Variants in ANKDD1A observed in about 807,000 individuals in gnomAD.
ANKDD1A encodes ankyrin repeat and death domain containing 1A.
A neutral mutation model predicts 63.5 loss-of-function variants in ANKDD1A; 59 were observed. That is an observed-to-expected ratio of 0.93 (90% confidence interval 0.75 to 1.15). The LOEUF is 1.15. ANKDD1A is among the 50% of genes most tolerant of loss of function. The probability of loss-of-function intolerance (pLI) is 0.00; values close to 1 mark genes in which losing one functional copy is unlikely to be tolerated. For missense variants in ANKDD1A, 632 were observed against 656.4 expected (o/e 0.96, Z 0.41); for synonymous variants, 266 against 263.9 (o/e 1.01, Z -0.08).
At chr15:64,942,820 A>G (rs1185030142) in intron 10 of ANKDD1A, among the ~76,000 whole-genome samples, 2 of 152,096 alleles carry the variant, frequency 1.3e-5, no homozygotes, top group Non-Finnish European at 2.9e-5. Context: ...ATCTTTTTAC[A>G]TTCAACCTTT....
chr15:64,936,626 T>G (rs1184742676), intron 9 of ANKDD1A, among the ~76,000 whole-genome samples: 2 of 151,938 alleles, frequency 1.3e-5, no homozygotes, highest in African/African-American at 2.4e-5. Flanking sequence ...ATCGCTTGAG[T>G]CCAGGAGTTC....
At position 64,926,048 on chromosome 15, in the gene ANKDD1A, T is replaced by C; in HGVS notation, c.367-18T>C. The C allele has an allele frequency of 6.2e-7, 1 of 1,608,750 alleles. No homozygotes were observed. Among genetic ancestry groups the C allele is most frequent in the African/African-American group, 1.3e-5 (1 of 74,968 alleles). The stretch of plus-strand genomic sequence containing the variant: ...CTCCCTTCACAGACTGCAGGAACCC[T>C]CCTGCACTTGTTTCCAGGATGGCCT... On this transcript the variant is annotated intron_variant, in intron 4 of 14. Coordinates refer to ENST00000319580, the MANE Select transcript of ANKDD1A (RefSeq NM_182703.6).
In ANKDD1A at chr15:64,954,363, CCTT is replaced by C. The variant is rs1204796898; in HGVS notation, c.1484-2732_1484-2730del. ...CCTCCTCTCCTTCTTCTCTTCTTCT[CCTT>C]CTTCTTCCTTTTCTTTTCTTCTTCT... On this transcript the variant is annotated intron_variant, in intron 14 of 14. Coordinates refer to ENST00000319580, the MANE Select transcript of ANKDD1A (RefSeq NM_182703.6). 4.2e-3 allele frequency among the ~76,000 whole-genome samples: 207 copies of C among 48,710 alleles called. 1 individual carries two copies. Among genetic ancestry groups the C allele is most frequent in the African/African-American group, 0.013 (174 of 13,440 alleles). 32.0% of individuals were successfully genotyped at this position (48,710 alleles called of 152,430 possible).
intron 14 of ANKDD1A, chr15:64,950,932 G>A: frequency 1.6e-6 from 2 of 1,271,168 alleles, no homozygotes; most frequent in Non-Finnish European, 1.0e-6. Context: ...AACAGAGGAA[G>A]TAAGATTCTT....
chr15:64,940,852 C>T (rs1312124227), intron 9 of ANKDD1A, among the ~76,000 whole-genome samples: 1 of 152,206 alleles, frequency 6.6e-6, no homozygotes, highest in African/African-American at 2.4e-5. Context: ...AATCCTCCTG[C>T]CTCAGCCTCC....
At chr15:64,953,597 T>TCTTCTCC (rs1382712518) in intron 14 of ANKDD1A, among the ~76,000 whole-genome samples, 2 of 56,110 alleles carry the variant, frequency 3.6e-5, no homozygotes, top group East Asian at 3.8e-4. Context: ...TCCTTCTCCT[T>TCTTCTCC]TTCTTCTTTC....
chr15:64,950,397 A>T, intron 14 of ANKDD1A: 1 of 985,430 alleles, frequency 1.0e-6, no homozygotes, highest in South Asian at 4.7e-5. Flanking sequence ...AAACCTTCTG[A>T]GGTCATCACA....
chr15:64,942,573 G>A lies in ANKDD1A; in HGVS notation c.966+8G>A. 2 of 1,610,174 alleles carry A rather than the reference G, an allele frequency of 1.2e-6. No homozygotes were observed. The highest frequency in any genetic ancestry group is 1.7e-6 in the Non-Finnish European group (2 of 1,177,990). On this transcript the variant is annotated splice_region_variant and intron_variant, in intron 10 of 14. Transcript: ENST00000319580. ...GTGAATGCCGTGGACAATGTAAGTG[G>A]CTACAGAGACCTTCCGGGCCCCAGG...
intron 14 of ANKDD1A, chr15:64,951,149 G>T: frequency 8.9e-7 from 1 of 1,119,416 alleles, no homozygotes; most frequent in Non-Finnish European, 1.1e-6. Context: ...GAAATGCACA[G>T]TCATGCAGAG....
At chr15:64,953,630 C>CTTAGTTCTTCTTATTT (rs1467278506) in intron 14 of ANKDD1A, among the ~76,000 whole-genome samples, 1 of 20,724 alleles carries the variant, frequency 4.8e-5, no homozygotes, top group Admixed American at 6.9e-4. Flanking sequence ...TCTTCTTCTT[C>CTTAGTTCTTCTTATTT]CTTCTTCTTC....
chr15:64,934,128 C>T lies in ANKDD1A; in HGVS notation c.769-8C>T, dbSNP rs191145154. 6.2e-5 allele frequency: 100 copies of T among 1,603,226 alleles called. No individual in the cohort carries two copies. The highest frequency in any genetic ancestry group is 8.1e-5 in the Non-Finnish European group (95 of 1,173,068). On this transcript the variant is annotated splice_polypyrimidine_tract_variant and splice_region_variant and intron_variant, in intron 8 of 14. Coordinates refer to ENST00000319580, the MANE Select transcript of ANKDD1A (RefSeq NM_182703.6). ...TGTGATAACGCATTGATGCCTGTTT[C>T]CTTCTAGAAAAACCTAAGCTGCCTT...
At chr15:64,924,479 T>C (rs1329155463) in intron 4 of ANKDD1A, among the ~76,000 whole-genome samples, 1 of 152,214 alleles carries the variant, frequency 6.6e-6, no homozygotes, top group African/African-American at 2.4e-5. Flanking sequence ...ACTCTTCCTT[T>C]CAATCTCTTA....
chr15:64,955,064 C>CT lies in ANKDD1A; in HGVS notation c.1484-2031dup, dbSNP rs1055331701. 1.2e-4 allele frequency among the ~76,000 whole-genome samples: 17 copies of CT among 136,664 alleles called. No individual in the cohort carries two copies. In the East Asian group the frequency reaches 1.5e-3, roughly 12 times the overall value. The allele number at this position is 136,664 out of a possible 152,430, so 89.7% of individuals were successfully genotyped here. A position where few individuals can be genotyped will look rare whatever the true frequency, so the allele number is the denominator to read the frequency against. The stretch of plus-strand genomic sequence containing the variant: ...CTTTCTTTCTTTCTTCTTCTTTTCT[C>CT]TTTTTTTTGATATGGAGTCTTACTC... On this transcript the variant is annotated intron_variant, in intron 14 of 14. Transcript: ENST00000319580.
At position 64,917,513 on chromosome 15, in the gene ANKDD1A, G is replaced by T; in HGVS notation, c.266G>T (p.Cys89Phe). The T allele has an allele frequency of 6.5e-7, 1 of 1,546,552 alleles. No homozygotes were observed. Among genetic ancestry groups the T allele is most frequent in the Non-Finnish European group, 8.7e-7 (1 of 1,146,854 alleles). ...GGGGCCCTCACAGAGGCACGTCTGT[G>T]TGTACGTGTCTGTCTGTCTGTCTGT... ...AVGALTEARLCFGMNALLLSA... is the reference protein window; with the variant it reads ...AVGALTEARLFFGMNALLLSA... Residue 89 changes from cysteine to phenylalanine, a missense_variant and splice_region_variant, in exon 3 of 15, where the codon TGT (cysteine) becomes TTT (phenylalanine). By Grantham distance (205) the Cys-to-Phe change is radical. Transcript: ENST00000319580.
chr15:64,938,910 A>G (rs2085157691), intron 9 of ANKDD1A, among the ~76,000 whole-genome samples: 1 of 150,596 alleles, frequency 6.6e-6, no homozygotes, highest in Non-Finnish European at 1.5e-5. Flanking sequence ...GCGCCACTGC[A>G]CGCCAGCCTG....
intron 14 of ANKDD1A, among the ~76,000 whole-genome samples, chr15:64,952,760 CTCCTCCTTTCTTTTCTTCT>C (rs2085319581): frequency 7.3e-6 from 1 of 136,126 alleles, no homozygotes; most frequent in African/African-American, 2.7e-5. Context: ...TCTTCTCCTC[CTCCTCCTTTCTTTTCTTCT>C]TCCTTCTCCT....
intron 14 of ANKDD1A, among the ~76,000 whole-genome samples, chr15:64,955,915 A>G (rs2085412489): frequency 6.6e-6 from 1 of 152,196 alleles, no homozygotes. Context: ...ATACAAAATG[A>G]TAGACATACA....
chr15:64,912,215 A>G (rs1353571106), intron 1 of ANKDD1A, among the ~76,000 whole-genome samples: 1 of 152,246 alleles, frequency 6.6e-6, no homozygotes, highest in Admixed American at 6.5e-5. Flanking sequence ...AGCTACAAAT[A>G]ATAAAGGTAA....
In ANKDD1A at chr15:64,931,474, T is replaced by C. The variant is rs771622077; in HGVS notation, c.670-13T>C. 2.5e-6 allele frequency: 4 copies of C among 1,612,178 alleles called. No individual in the cohort carries two copies. In the South Asian group the frequency reaches 4.4e-5, roughly 18 times the overall value. On this transcript the variant is annotated splice_polypyrimidine_tract_variant and intron_variant, in intron 7 of 14. Coordinates refer to ENST00000319580, the MANE Select transcript of ANKDD1A (RefSeq NM_182703.6). ...CTCCCCACCATCCTCATTGCTCTTC[T>C]TGTGTGTTGCAGGAAGGTCTGACTG...
Sources: gnomAD v4.1 joint callset for allele counts (sites outside exome capture counted in the v4.1 genomes callset) on GRCh38, gnomAD v4.1.1 for gene constraint, MANE v1.5 for transcripts, NCBI Gene and HGNC (gene_info 2026-07-23, HGNC 2026-07-21) for gene names.